The following SNX13 variants were observed in gnomAD, a reference collection of about 807,000 sequenced individuals.
The protein encoded by SNX13 is sorting nexin-13.
A neutral mutation model predicts 133.6 loss-of-function variants in SNX13; 45 were observed. The observed-to-expected ratio is 0.34, with a 90% CI of 0.27 to 0.43. SNX13 has a LOEUF of 0.43. Among genes scored for constraint, SNX13 ranks in the 20% least tolerant of loss-of-function variants. The probability of loss-of-function intolerance (pLI) is 1.00; values close to 1 mark genes in which losing one functional copy is unlikely to be tolerated. For synonymous variants in SNX13, 414 were observed against 373.9 expected (o/e 1.11, Z -1.24); for missense variants, 1,032 against 1,145.1 (o/e 0.90, Z 1.43).
intron 12 of SNX13, among the ~76,000 whole-genome samples, chr7:17,845,308 G>A (rs781070663): frequency 6.6e-6 from 1 of 152,124 alleles, no homozygotes; most frequent in African/African-American, 2.4e-5. Flanking sequence ...TTCCACCTAC[G>A]TGAGGTACTT....
chr7:17,922,239 G>A (rs1382691874), intron 1 of SNX13, among the ~76,000 whole-genome samples: 3 of 152,192 alleles, frequency 2.0e-5, no homozygotes, highest in African/African-American at 2.4e-5. Flanking sequence ...GCTAGCCAGG[G>A]AGAATACTCA....
intron 1 of SNX13, among the ~76,000 whole-genome samples, chr7:17,916,198 C>T (rs1799544998): frequency 7.1e-6 from 1 of 140,996 alleles, no homozygotes; most frequent in African/African-American, 2.7e-5. Context: ...AGATAGACGT[C>T]CAATTAACAA....
chr7:17,809,624 CAG>C (rs1412242003), intron 20 of SNX13, among the ~76,000 whole-genome samples: 1 of 152,174 alleles, frequency 6.6e-6, no homozygotes. Context: ...GCGGACCTAA[CAG>C]ATATCTACAG....
At chr7:17,807,761 G>C (rs751460558) in intron 20 of SNX13, among the ~76,000 whole-genome samples, 35 of 152,184 alleles carry the variant, frequency 2.3e-4, no homozygotes, top group Non-Finnish European at 3.7e-4. Flanking sequence ...GAAGCATCCA[G>C]AGGAAGGAAC....
chr7:17,815,947 G>C (rs1786605893), intron 19 of SNX13, among the ~76,000 whole-genome samples: 1 of 152,086 alleles, frequency 6.6e-6, no homozygotes, highest in Admixed American at 6.5e-5. Context: ...ACACAAACAA[G>C]CAAAATCCCT....
chr7:17,841,447 T>C (rs1385845265), intron 12 of SNX13, among the ~76,000 whole-genome samples: 1 of 151,888 alleles, frequency 6.6e-6, no homozygotes, highest in Admixed American at 6.6e-5. Flanking sequence ...ACAGCCTACA[T>C]ATTAAAAACA....
chr7:17,848,002 G>C (rs1302160146), intron 11 of SNX13, among the ~76,000 whole-genome samples: 1 of 152,138 alleles, frequency 6.6e-6, no homozygotes, highest in South Asian at 2.1e-4. Context: ...AAGCCAAAAA[G>C]CCTGAGCCCA....
At chr7:17,864,377 C>T (rs1292046374) in intron 9 of SNX13, among the ~76,000 whole-genome samples, 2 of 152,066 alleles carry the variant, frequency 1.3e-5, no homozygotes, top group African/African-American at 4.8e-5. Context: ...AATTGATAAA[C>T]TGAAAAATTA....
intron 5 of SNX13, chr7:17,888,255 T>G (rs74989340): frequency 0.013 from 1,929 of 152,390 alleles, 16 homozygotes; most frequent in Middle Eastern, 0.027. Context: ...TCCAGAAATT[T>G]AAGGTAAATG....
intron 17 of SNX13, among the ~76,000 whole-genome samples, chr7:17,825,253 A>T (rs975890201): frequency 4.1e-5 from 6 of 146,118 alleles, no homozygotes; most frequent in African/African-American, 1.5e-4. Context: ...TCTAAACTAG[A>T]TTAAACTAGA....
chr7:17,937,444 G>T lies in SNX13; in HGVS notation c.12+2840C>A, dbSNP rs767080138. 1.2e-4 allele frequency among the ~76,000 whole-genome samples: 18 copies of T among 150,334 alleles called. 1 individual carries two copies. The East Asian group carries it at 3.5e-3, about 29-fold the overall frequency. On this transcript the variant is annotated intron_variant, in intron 1 of 25. Coordinates refer to ENST00000428135, the MANE Select transcript of SNX13 (RefSeq NM_015132.5). The stretch of plus-strand genomic sequence containing the variant: ...CACGAGAATAGTTTGAACCTGGAAG[G>T]CGGAGGTTGCAGTGAGCCAAGATCG...
intron 25 of SNX13, chr7:17,794,532 A>G: frequency 2.5e-6 from 1 of 407,440 alleles, no homozygotes; most frequent in Non-Finnish European, 4.3e-6. Context: ...TAAGAGATAA[A>G]AAATAAAAAA....
chr7:17,832,047 T>C, intron 15 of SNX13: 4 of 983,520 alleles, frequency 4.1e-6, no homozygotes, highest in Non-Finnish European at 4.8e-6. Flanking sequence ...TAGAGAGCAA[T>C]GTCCTAGAAA....
chr7:17,808,963 A>C (rs1583316599), intron 20 of SNX13, among the ~76,000 whole-genome samples: 1 of 152,306 alleles, frequency 6.6e-6, no homozygotes, highest in South Asian at 2.1e-4. Context: ...GAAGCACTAA[A>C]CATGGAAAGG....
In SNX13 at chr7:17,940,418, C is replaced by G. The variant is rs753886860; in HGVS notation, c.-123G>C. On this transcript the variant is annotated 5_prime_UTR_variant, in exon 1 of 26. Transcript: ENST00000428135. ...ACTGCTCCTTCAGTCTTCTCCCGGGCGGCGGTTTTACTCGGCTTCGCTGGC... is the reference window on the plus strand; with the variant it reads ...ACTGCTCCTTCAGTCTTCTCCCGGGGGGCGGTTTTACTCGGCTTCGCTGGC... 1 of 1,204,056 alleles carries G rather than the reference C, an allele frequency of 8.3e-7. No individual in the cohort carries two copies. The highest frequency in any genetic ancestry group is 1.3e-5 in the South Asian group (1 of 77,326). The allele number at this position is 1,204,056 out of a possible 1,614,324, so 74.6% of individuals were successfully genotyped here. A position where few individuals can be genotyped will look rare whatever the true frequency, so the allele number is the denominator to read the frequency against.
chr7:17,923,937 T>C (rs764648036), intron 1 of SNX13, among the ~76,000 whole-genome samples: 2 of 152,190 alleles, frequency 1.3e-5, no homozygotes, highest in African/African-American at 2.4e-5. Flanking sequence ...CATCTAGATA[T>C]GATAGAATTC....
intron 22 of SNX13, among the ~76,000 whole-genome samples, chr7:17,800,035 T>C (rs1352444178): frequency 6.6e-6 from 1 of 151,768 alleles, no homozygotes; most frequent in Admixed American, 6.6e-5. Context: ...ACTGAAATCA[T>C]ACAGCTTAAT....
At chr7:17,909,411 T>C (rs1798721325) in intron 1 of SNX13, among the ~76,000 whole-genome samples, 1 of 152,202 alleles carries the variant, frequency 6.6e-6, no homozygotes, top group African/African-American at 2.4e-5. Flanking sequence ...GTATGTTCAC[T>C]ACAGCACTAT....
At chr7:17,889,570 A>T (rs1055284516) in intron 5 of SNX13, 1 of 152,204 alleles carries the variant, frequency 6.6e-6, no homozygotes, top group South Asian at 2.1e-4. Flanking sequence ...TCTAGAACAC[A>T]AGTATTCCCT....
Sources: allele counts gnomAD v4.1 joint callset (sites outside exome capture counted in the v4.1 genomes callset), GRCh38; gene constraint gnomAD v4.1.1; transcripts MANE v1.5; gene names NCBI Gene and HGNC (gene_info 2026-07-23, HGNC 2026-07-21).